Variants in EEF1G observed in about 807,000 individuals in gnomAD.
The protein encoded by EEF1G is elongation factor 1-gamma.
A neutral mutation model predicts 58.3 loss-of-function variants in EEF1G; 14 were observed. The observed-to-expected ratio is 0.24, with a 90% confidence interval of 0.16 to 0.38. The LOEUF is 0.38. Among genes scored for constraint, EEF1G ranks in the 10% least tolerant of loss-of-function variants. The pLI, the probability that EEF1G is intolerant of heterozygous loss-of-function variation, is 1.00. For missense variants in EEF1G, 322 were observed against 550.1 expected (o/e 0.59, Z 4.15); for synonymous variants, 180 against 206.8 (o/e 0.87, Z 1.11).
intron 1 of EEF1G, chr11:62,572,989 G>A (rs1435980511): frequency 6.0e-6 from 2 of 331,580 alleles, no homozygotes; most frequent in Admixed American, 4.7e-5. Context: ...GGACACCTCT[G>A]GAAGTATTCT....
intron 5 of EEF1G, among the ~76,000 whole-genome samples, chr11:62,570,218 C>T (rs563408770): frequency 2.0e-5 from 3 of 152,060 alleles, no homozygotes; most frequent in African/African-American, 4.8e-5. Context: ...CCTACCACCA[C>T]GCCCGGCTAA....
At chr11:62,570,859 G>A in intron 5 of EEF1G, 106 bp downstream of exon 5, 2 of 1,482,508 alleles carry the variant, frequency 1.3e-6, no homozygotes, top group East Asian at 2.3e-5. Context: ...CCCACCTCTA[G>A]CTGTTTTCCA....
intron 5 of EEF1G, among the ~76,000 whole-genome samples, chr11:62,567,988 G>C (rs989909999): frequency 6.6e-6 from 1 of 151,076 alleles, no homozygotes; most frequent in Non-Finnish European, 1.5e-5. Flanking sequence ...CAAACTGCTG[G>C]GATCTCCGAG....
chr11:62,565,020 CTGAGA>C (rs914458516), intron 7 of EEF1G, among the ~76,000 whole-genome samples: 1 of 151,912 alleles, frequency 6.6e-6, no homozygotes, highest in Non-Finnish European at 1.5e-5. Flanking sequence ...TTGCAGTGAG[CTGAGA>C]TCACACCACT....
At chr11:62,572,437 C>T (rs1941645750) in intron 2 of EEF1G, 147 bp downstream of exon 2, 4 of 1,089,806 alleles carry the variant, frequency 3.7e-6, no homozygotes, top group South Asian at 1.6e-5. Context: ...ACATGTAAAT[C>T]TGTATTTATC....
At chr11:62,570,901 AC>A in intron 5 of EEF1G, 63 bp downstream of exon 5, 1 of 1,605,562 alleles carries the variant, frequency 6.2e-7, no homozygotes, top group Non-Finnish European at 8.5e-7. Flanking sequence ...TAACCTAGAT[AC>A]CTCGTCACTT....
chr11:62,562,294 C>T (rs903362199), intron 7 of EEF1G, among the ~76,000 whole-genome samples: 4 of 152,068 alleles, frequency 2.6e-5, no homozygotes, highest in Non-Finnish European at 2.9e-5. Context: ...GATTTTTGAG[C>T]GTTAGCCGTC....
In EEF1G at chr11:62,560,367, A is replaced by G; in HGVS notation, c.945T>C (p.Asp315=). Reference sequence around the variant, plus strand: ...AGTACCACAGGGACCAGCCGTCCTTATCAAAGTGCTCCCAGAAATATGGCA... The same window carrying G: ...AGTACCACAGGGACCAGCCGTCCTTGTCAAAGTGCTCCCAGAAATATGGCA... ...VALPYFWEHF[D]KDGWSLWYSE... is the part of the protein sequence containing the mutation. Residue 315 remains aspartate (D), a synonymous_variant, in exon 8 of 10, where the codon GAT becomes GAC. Coordinates refer to ENST00000329251, the MANE Select transcript of EEF1G (RefSeq NM_001404.5). 1 of 1,609,150 alleles carries G rather than the reference A, an allele frequency of 6.2e-7. No homozygotes were observed. Among genetic ancestry groups the G allele is most frequent in the South Asian group, 1.1e-5 (1 of 90,200 alleles).
chr11:62,561,335 C>T (rs1364451262), intron 7 of EEF1G, among the ~76,000 whole-genome samples: 7 of 151,612 alleles, frequency 4.6e-5, no homozygotes, highest in Non-Finnish European at 8.8e-5. Flanking sequence ...GCAGAGATCG[C>T]GCCACTGCAC....
chr11:62,561,906 C>T, intron 7 of EEF1G, among the ~76,000 whole-genome samples: 1 of 152,146 alleles, frequency 6.6e-6, no homozygotes, highest in South Asian at 2.1e-4. Flanking sequence ...GGCTCCTCAC[C>T]CAACCCCCTT....
chr11:62,572,411 AT>A (rs1005659047), intron 2 of EEF1G, among the ~76,000 whole-genome samples, 172 bp downstream of exon 2: 2 of 152,128 alleles, frequency 1.3e-5, no homozygotes, highest in Admixed American at 6.6e-5. Context: ...ATAGCTCTGT[AT>A]TTTTTTTCAC....
intron 1 of EEF1G, chr11:62,573,520 G>T: frequency 1.9e-6 from 1 of 517,378 alleles, no homozygotes; most frequent in Non-Finnish European, 3.5e-6. Context: ...GGACACAGAA[G>T]TTCGTCAACC....
Position 62,566,819 on chromosome 11 carries a change from G to T in EEF1G, c.844C>A (p.His282Asn). ...CAATATCCTTACCTCTTGGGCAGGT[G>T]AGCGAAGGGGTCCTTGGCCTTGGGC... ...AEPKAKDPFA[H>N]LPKSTFVLDE... The change falls in exon 7 of 10, where the codon CAC (histidine) becomes AAC (asparagine). Residue 282 changes from histidine (H) to asparagine (N), a missense_variant. Coordinates refer to ENST00000329251, the MANE Select transcript of EEF1G (RefSeq NM_001404.5). The T allele has an allele frequency of 3.7e-6, 6 of 1,613,524 alleles. No individual in the cohort carries two copies. The highest frequency in any genetic ancestry group is 5.1e-6 in the Non-Finnish European group (6 of 1,179,696).
intron 7 of EEF1G, among the ~76,000 whole-genome samples, chr11:62,564,484 C>T (rs112069117): frequency 4.9e-4 from 73 of 150,414 alleles, no homozygotes; most frequent in African/African-American, 1.6e-3. Flanking sequence ...AAAAAAAGGC[C>T]GGGAGCAGTG....
chr11:62,566,222 T>C (rs1263761655), intron 7 of EEF1G, among the ~76,000 whole-genome samples: 1 of 152,146 alleles, frequency 6.6e-6, no homozygotes, highest in Non-Finnish European at 1.5e-5. Flanking sequence ...TACCTTTAAC[T>C]GAAAAAGGGA....
chr11:62,568,719 TCCCAGCA>T (rs1941586996), intron 5 of EEF1G, among the ~76,000 whole-genome samples: 1 of 151,836 alleles, frequency 6.6e-6, no homozygotes, highest in South Asian at 2.1e-4. Flanking sequence ...ACGCCTATAA[TCCCAGCA>T]CTTTGGGAGG....
chr11:62,561,653 TCCG>T (rs1241920890), intron 7 of EEF1G, among the ~76,000 whole-genome samples: 4 of 118,812 alleles, frequency 3.4e-5, no homozygotes, highest in African/African-American at 1.3e-4. Context: ...AGAGCAAGAC[TCCG>T]TCTCAAAAAA....
At chr11:62,562,987 G>A (rs1402563194) in intron 7 of EEF1G, among the ~76,000 whole-genome samples, 1 of 150,034 alleles carries the variant, frequency 6.7e-6, no homozygotes, top group Non-Finnish European at 1.5e-5. Context: ...GCTCACGCCT[G>A]TAATCCCAGC....
At chr11:62,562,585 G>A (rs1230434917) in intron 7 of EEF1G, among the ~76,000 whole-genome samples, 4 of 151,990 alleles carry the variant, frequency 2.6e-5, no homozygotes, top group East Asian at 1.9e-4. Context: ...GGGTTCAAGC[G>A]ATTCTCCTGC....
Sources: allele counts gnomAD v4.1 joint callset (sites outside exome capture counted in the v4.1 genomes callset), GRCh38; gene constraint gnomAD v4.1.1; transcripts MANE v1.5; gene names NCBI Gene and HGNC (gene_info 2026-07-23, HGNC 2026-07-21).